The following RIC1 variants were observed in gnomAD, a reference collection of about 807,000 sequenced individuals.
RIC1 encodes the protein guanine nucleotide exchange factor subunit RIC1.
In RIC1, 88 loss-of-function variants were observed where a neutral mutation model predicts 169.0. The observed-to-expected ratio is 0.52, with a 90% CI of 0.44 to 0.62. RIC1 has a LOEUF of 0.62. Among genes scored for constraint, RIC1 ranks in the 20% least tolerant of loss-of-function variants. The pLI, the probability that RIC1 is intolerant of heterozygous loss-of-function variation, is 0.00. For synonymous variants in RIC1, 790 were observed against 601.5 expected (o/e 1.31, Z -4.59); for missense variants, 1,877 against 1,725.5 (o/e 1.09, Z -1.56).
At chr9:5,690,189 T>C (rs1821512266) in intron 3 of RIC1, 151 bp downstream of exon 3, 1 of 478,198 alleles carries the variant, frequency 2.1e-6, no homozygotes, top group African/African-American at 2.0e-5. Flanking sequence ...GTCTTTGAAC[T>C]GTCATTTCTT....
At chr9:5,765,234 T>A (rs1826639852) in intron 19 of RIC1, 180 bp from the exon 20 acceptor site, 1 of 588,908 alleles carries the variant, frequency 1.7e-6, no homozygotes, top group Non-Finnish European at 3.0e-6. Flanking sequence ...ATAGTTTACA[T>A]ACACCAGAAG....
At chr9:5,640,062 T>G (rs1447991856) in intron 1 of RIC1, among the ~76,000 whole-genome samples, 2 of 152,198 alleles carry the variant, frequency 1.3e-5, no homozygotes, top group East Asian at 3.8e-4. Context: ...TTGGTCCATT[T>G]GTATTCAATG....
intron 11 of RIC1, 59 bp from the exon 12 acceptor site, chr9:5,747,243 T>C (rs1259276877): frequency 6.0e-6 from 8 of 1,324,664 alleles, no homozygotes; most frequent in East Asian, 2.3e-5. Flanking sequence ...CTGCGTAATA[T>C]TGAGTTGTTT....
At chr9:5,657,507 G>A (rs1819171881) in intron 2 of RIC1, among the ~76,000 whole-genome samples, 2 of 152,098 alleles carry the variant, frequency 1.3e-5, no homozygotes, top group African/African-American at 4.8e-5. Context: ...CATAATGGAT[G>A]TGTAAATTGA....
At chr9:5,674,332 A>C (rs1820306752) in intron 2 of RIC1, among the ~76,000 whole-genome samples, 1 of 152,176 alleles carries the variant, frequency 6.6e-6, no homozygotes. Context: ...CTAAAATGTT[A>C]ATTCATGTTT....
At chr9:5,759,385 C>G (rs373945729) in intron 17 of RIC1, among the ~76,000 whole-genome samples, 3 of 152,210 alleles carry the variant, frequency 2.0e-5, no homozygotes, top group East Asian at 3.9e-4. Flanking sequence ...GAGCAGAATA[C>G]AAGACATTCT....
At chr9:5,745,681 T>G (rs763383545) in intron 10 of RIC1, among the ~76,000 whole-genome samples, 10 of 152,162 alleles carry the variant, frequency 6.6e-5, no homozygotes, top group African/African-American at 1.4e-4. Flanking sequence ...ACCCTGAAAT[T>G]GGCATTAAGA....
chr9:5,681,947 T>TA (rs1041658643), intron 2 of RIC1, among the ~76,000 whole-genome samples: 1 of 152,240 alleles, frequency 6.6e-6, no homozygotes, highest in African/African-American at 2.4e-5. Flanking sequence ...TTTGTTGGTT[T>TA]AAAGTCTGTT....
intron 1 of RIC1, among the ~76,000 whole-genome samples, chr9:5,633,123 A>T (rs1817798476): frequency 6.6e-6 from 1 of 152,204 alleles, no homozygotes; most frequent in African/African-American, 2.4e-5. Flanking sequence ...TTATAAAATA[A>T]ATTATATGTC....
intron 16 of RIC1, among the ~76,000 whole-genome samples, chr9:5,757,098 T>C (rs1371945023): frequency 3.3e-5 from 5 of 152,180 alleles, no homozygotes; most frequent in Non-Finnish European, 7.3e-5. Context: ...TCCCTCCTAT[T>C]TGTTACTCCC....
intron 7 of RIC1, among the ~76,000 whole-genome samples, chr9:5,734,955 C>A (rs768372690): frequency 6.6e-6 from 1 of 152,094 alleles, no homozygotes; most frequent in Non-Finnish European, 1.5e-5. Flanking sequence ...TGATAAATCC[C>A]TAATAGGATC....
chr9:5,665,015 C>G (rs1388397695), intron 2 of RIC1, among the ~76,000 whole-genome samples: 2 of 151,912 alleles, frequency 1.3e-5, no homozygotes, highest in East Asian at 1.9e-4. Context: ...GTGGTGTGTT[C>G]CAGTCTCCCA....
At chr9:5,726,417 T>A (rs1823989766) in intron 6 of RIC1, among the ~76,000 whole-genome samples, 1 of 152,218 alleles carries the variant, frequency 6.6e-6, no homozygotes. Flanking sequence ...TTGATCTTCC[T>A]CCATCCCTTT....
chr9:5,716,040 C>T (rs1323748490), intron 4 of RIC1, among the ~76,000 whole-genome samples: 1 of 152,046 alleles, frequency 6.6e-6, no homozygotes, highest in Non-Finnish European at 1.5e-5. Context: ...GACAAGGTTT[C>T]ACCATGTTGT....
In RIC1 at chr9:5,763,812, G is replaced by C. The variant is rs148688426; in HGVS notation, c.2785G>C (p.Glu929Gln). Residue 929 changes from glutamate to glutamine, a missense_variant, in exon 19 of 26, where the codon GAG becomes CAG. Transcript: ENST00000414202. This position sits in a 1 kb window ranked among gnomAD's most constrained non-coding sequence, Gnocchi z 5.2. Reference sequence around the variant, plus strand: ...TGGAAACCCTAAGGACTTGTTTGAGGAGTGTTTGATGGCTCAGGATTTGGA... The same window carrying C: ...TGGAAACCCTAAGGACTTGTTTGAGCAGTGTTTGATGGCTCAGGATTTGGA... ...AVGNPKDLFEECLMAQDLDTA... is the reference protein window; with the variant it reads ...AVGNPKDLFEQCLMAQDLDTA... The C allele has an allele frequency of 2.5e-6, 4 of 1,614,048 alleles. No individual in the cohort carries two copies. The highest frequency in any genetic ancestry group is 3.4e-6 in the Non-Finnish European group (4 of 1,180,010).
intron 2 of RIC1, among the ~76,000 whole-genome samples, chr9:5,679,384 T>A (rs939043914): frequency 6.6e-6 from 1 of 152,198 alleles, no homozygotes; most frequent in African/African-American, 2.4e-5. Flanking sequence ...AAGAAAGTCA[T>A]TGGTAGCTTG....
Position 5,690,060 on chromosome 9 carries a change from C to T in RIC1, c.332+22C>T, listed in dbSNP as rs1461070194. 2.7e-6 allele frequency: 4 copies of T among 1,466,036 alleles called. No homozygotes were observed. The South Asian group carries it at 5.0e-5, about 18-fold the overall frequency. The allele number at this position is 1,466,036 out of a possible 1,614,324, so 90.8% of individuals were successfully genotyped here. A position where few individuals can be genotyped will look rare whatever the true frequency, so the allele number is the denominator to read the frequency against. ...CCAAGTAAGTTTGTTGCCTTTCATT[C>T]TTTTAATATGTGATTTGCATACTTT... On this transcript the variant is annotated intron_variant, in intron 3 of 25. Transcript: ENST00000414202.
intron 6 of RIC1, among the ~76,000 whole-genome samples, chr9:5,725,673 C>T (rs969928473): frequency 2.0e-5 from 3 of 152,092 alleles, no homozygotes; most frequent in Non-Finnish European, 4.4e-5. Flanking sequence ...TTAGATCTTT[C>T]GTGCTTTCTG....
At chr9:5,709,311 G>C (rs1822790128) in intron 3 of RIC1, among the ~76,000 whole-genome samples, 1 of 152,104 alleles carries the variant, frequency 6.6e-6, no homozygotes, top group Admixed American at 6.6e-5. Context: ...CCATTCCTTA[G>C]CATTCATTCC....
Sources: gnomAD v4.1 joint callset for allele counts (sites outside exome capture counted in the v4.1 genomes callset) on GRCh38, gnomAD v4.1.1 for gene constraint, Gnocchi (gnomAD v3.1) non-coding constraint, MANE v1.5 for transcripts, NCBI Gene and HGNC (gene_info 2026-07-23, HGNC 2026-07-21) for gene names.